FNDC3A: variants seen among roughly 807,000 people sequenced by gnomAD.
The protein encoded by FNDC3A is fibronectin type-III domain-containing protein 3A.
A neutral mutation model predicts 148.9 loss-of-function variants in FNDC3A; 32 were observed. The observed-to-expected ratio is 0.21, with a 90% CI of 0.16 to 0.29. The LOEUF (loss-of-function observed/expected upper bound fraction) is 0.29, where lower values mean the gene tolerates loss of function less well. Ranked by LOEUF, FNDC3A falls within the 10% of genes least tolerant of loss-of-function variation. The probability of loss-of-function intolerance (pLI) is 1.00; values close to 1 mark genes in which losing one functional copy is unlikely to be tolerated. For missense variants in FNDC3A, 1,191 were observed against 1,452.8 expected, an observed-to-expected ratio of 0.82 and a Z score of 2.93; for synonymous variants, 472 against 473.6, an observed-to-expected ratio of 1.00 and a Z score of 0.04.
chr13:49,131,561 A>G (rs574768175), intron 5 of FNDC3A, among the ~76,000 whole-genome samples, 187 bp downstream of exon 5: 15 of 152,350 alleles, frequency 9.8e-5, no homozygotes, highest in African/African-American at 3.6e-4. Flanking sequence ...AGGTAAGTAA[A>G]CAGAAAAATC....
At chr13:49,139,097 A>G (rs1249588636) in intron 7 of FNDC3A, among the ~76,000 whole-genome samples, 2 of 152,220 alleles carry the variant, frequency 1.3e-5, no homozygotes, top group Non-Finnish European at 2.9e-5. Context: ...GTGTGATAGT[A>G]AAGATTGCTA....
intron 3 of FNDC3A, among the ~76,000 whole-genome samples, chr13:49,088,121 A>C (rs1020929672): frequency 6.6e-6 from 1 of 152,130 alleles, no homozygotes; most frequent in Non-Finnish European, 1.5e-5. Flanking sequence ...AAATTTTTCT[A>C]ATATCTAACC....
Position 49,145,883 on chromosome 13 carries a change from G to A in FNDC3A, c.925G>A (p.Glu309Lys). The change falls in exon 8 of 26, where the codon GAA becomes AAA. Residue 309 changes from glutamate (E) to lysine (K), a missense_variant. Around this residue, in one of 3 missense-constraint regions of FNDC3A, gnomAD observed 426 missense variants for 473.2 expected, o/e 0.90. Transcript: ENST00000492622. ...TAGTGTACCAGAGCTCTATGGTTAT[G>A]AAGTTCTGATCTCAAGTACTGGAAA... ...ESSVPELYGYEVLISSTGKDG... is the reference protein window; with the variant it reads ...ESSVPELYGYKVLISSTGKDG... 1 of 1,613,018 alleles carries A rather than the reference G, an allele frequency of 6.2e-7. No individual in the cohort carries two copies. Among genetic ancestry groups the A allele is most frequent in the Non-Finnish European group, 8.5e-7 (1 of 1,179,144 alleles).
intron 2 of FNDC3A, among the ~76,000 whole-genome samples, chr13:49,053,234 G>T (rs1464388514): frequency 6.6e-6 from 1 of 152,202 alleles, no homozygotes; most frequent in Non-Finnish European, 1.5e-5. Context: ...TAGAGGGTCT[G>T]TGGATTCTCC....
intron 3 of FNDC3A, among the ~76,000 whole-genome samples, chr13:49,081,585 T>C (rs1593563078): frequency 6.6e-6 from 1 of 152,336 alleles, no homozygotes; most frequent in African/African-American, 2.4e-5. Flanking sequence ...TAGAGAAGAT[T>C]ATTATTAGGC....
At chr13:49,039,306 TG>T (rs1168172142) in intron 2 of FNDC3A, among the ~76,000 whole-genome samples, 1 of 152,218 alleles carries the variant, frequency 6.6e-6, no homozygotes, top group African/African-American at 2.4e-5. Context: ...TTTTAAAATC[TG>T]GATTGTACTA....
At chr13:49,061,352 CCCTTACCTTCCCTT>C (rs1876686711) in intron 2 of FNDC3A, among the ~76,000 whole-genome samples, 4 of 6,690 alleles carry the variant, frequency 6.0e-4, no homozygotes, top group African/African-American at 4.1e-3. Context: ...CCCTTCCCTT[CCCTTACCTTCCCTT>C]CCCTTCCCTT....
chr13:49,027,906 ATAGT>A (rs1243616076), intron 2 of FNDC3A, among the ~76,000 whole-genome samples: 2 of 152,142 alleles, frequency 1.3e-5, no homozygotes, highest in Non-Finnish European at 2.9e-5. Flanking sequence ...CAGTGAAAAG[ATAGT>A]TATTGACCAA....
At chr13:49,045,790 CTTTT>C (rs11316518) in intron 2 of FNDC3A, 1,290 of 161,700 alleles carry the variant, frequency 8.0e-3, no homozygotes, top group South Asian at 0.013. Context: ...AATGACAGTC[CTTTT>C]TTTTTTTTTT....
intron 2 of FNDC3A, among the ~76,000 whole-genome samples, chr13:49,050,870 G>A (rs1169786933): frequency 1.3e-5 from 2 of 152,066 alleles, no homozygotes; most frequent in East Asian, 3.9e-4. Context: ...TTTCCTTTTG[G>A]AGTAGTCCTT....
intron 3 of FNDC3A, among the ~76,000 whole-genome samples, chr13:49,098,199 C>T (rs1879651814): frequency 6.6e-6 from 1 of 152,088 alleles, no homozygotes; most frequent in Non-Finnish European, 1.5e-5. Context: ...GAGAACCTAG[C>T]ACAACCCTTT....
chr13:49,017,150 G>T (rs533703612), intron 2 of FNDC3A, among the ~76,000 whole-genome samples: 1 of 152,124 alleles, frequency 6.6e-6, no homozygotes. Flanking sequence ...CAATTCCTGG[G>T]TATCCTTGCT....
Position 49,006,166 on chromosome 13 carries a change from T to C in FNDC3A, c.-25T>C. 1 of 1,284,158 alleles carries C rather than the reference T, an allele frequency of 7.8e-7. No individual in the cohort carries two copies. The highest frequency in any genetic ancestry group is 1.1e-6 in the Non-Finnish European group (1 of 889,186). 79.5% of individuals were successfully genotyped at this position (1,284,158 alleles called of 1,614,324 possible). A position where few individuals can be genotyped will look rare whatever the true frequency, so the allele number is the denominator to read the frequency against. ...TTGTTTTTCAGAATTGGAGCGTTAT[T>C]CAGTATATTAATGTCTTATTGATAA... On this transcript the variant is annotated 5_prime_UTR_variant, in exon 2 of 26. Transcript: ENST00000492622.
At chr13:49,021,624 C>T (rs753208088) in intron 2 of FNDC3A, among the ~76,000 whole-genome samples, 1 of 152,156 alleles carries the variant, frequency 6.6e-6, no homozygotes, top group Non-Finnish European at 1.5e-5. Flanking sequence ...ACACAAAGCT[C>T]ACTGTCCATA....
At chr13:49,101,711 C>T (rs1441484451) in intron 3 of FNDC3A, among the ~76,000 whole-genome samples, 2 of 151,072 alleles carry the variant, frequency 1.3e-5, no homozygotes, top group East Asian at 1.9e-4. Flanking sequence ...TATTGGAGGA[C>T]ATGTTGCTAA....
rs547831736 is a variant in FNDC3A at position 48,983,194 on chromosome 13, T to A, written c.-40+7017T>A. Reference sequence around the variant, plus strand: ...TGATATGTAAATAAATACATATTTTTAAATAATTAAAATATCTTGTGTCTT... The same window carrying A: ...TGATATGTAAATAAATACATATTTTAAAATAATTAAAATATCTTGTGTCTT... On this transcript the variant is annotated intron_variant, in intron 1 of 25. Coordinates refer to ENST00000492622, the MANE Select transcript of FNDC3A (RefSeq NM_001079673.2). Among the ~76,000 whole-genome samples the A allele has an allele frequency of 2.8e-4, 43 of 152,358 alleles. 1 individual carries two copies. Among genetic ancestry groups the A allele is most frequent in the African/African-American group, 1.0e-3 (42 of 41,604 alleles).
In FNDC3A at chr13:49,171,779, C is replaced by T. The variant is rs188328956; in HGVS notation, c.1177-264C>T. Among the ~76,000 whole-genome samples the T allele has an allele frequency of 7.6e-3, 1,162 of 152,176 alleles. 19 individuals carry two copies. Among genetic ancestry groups the T allele is most frequent in the African/African-American group, 0.027 (1,103 of 41,526 alleles). On this transcript the variant is annotated intron_variant, in intron 10 of 25. Transcript: ENST00000492622. Reference sequence around the variant, plus strand: ...AAAAGCAAAATGGTTTTTTTAAAGACTTTTTCAAGTTATTAATAGTTCTTG... The same window carrying T: ...AAAAGCAAAATGGTTTTTTTAAAGATTTTTTCAAGTTATTAATAGTTCTTG...
At chr13:49,187,614 A>G in intron 16 of FNDC3A, 1 of 1,604,684 alleles carries the variant, frequency 6.2e-7, no homozygotes, top group South Asian at 1.1e-5. Context: ...GGCCCTCCTC[A>G]CAGTGGCTCC....
At chr13:49,067,318 C>A (rs1877332609) in intron 2 of FNDC3A, among the ~76,000 whole-genome samples, 1 of 152,184 alleles carries the variant, frequency 6.6e-6, no homozygotes, top group Non-Finnish European at 1.5e-5. Flanking sequence ...GTGTCTTTCG[C>A]ATTTCTTAAT....
Sources: gnomAD v4.1 joint callset for allele counts (sites outside exome capture counted in the v4.1 genomes callset) on GRCh38, gnomAD v4.1.1 for gene constraint, gnomAD v4.1.1 regional missense constraint, MANE v1.5 for transcripts, NCBI Gene and HGNC (gene_info 2026-07-23, HGNC 2026-07-21) for gene names.